AGBL1: variants seen among roughly 807,000 people sequenced by gnomAD.
AGBL1 encodes the protein cytosolic carboxypeptidase 4.
In AGBL1, 130 loss-of-function variants were observed where a neutral mutation model predicts 118.9. The ratio of observed to expected loss-of-function variants is 1.09; its 90% CI spans 0.95 to 1.26. The LOEUF (loss-of-function observed/expected upper bound fraction) is 1.26. Ranked by LOEUF, AGBL1 falls within the 50% of genes most tolerant of loss-of-function variation. The pLI is 0.00. For missense variants in AGBL1, 1,584 were observed against 1,298.1 expected (o/e 1.22, Z -3.38); for synonymous variants, 555 against 478.9 (o/e 1.16, Z -2.08).
intron 4 of AGBL1, among the ~76,000 whole-genome samples, chr15:86,156,778 CTTTTTTCTTTTCTTTCT>C (rs1207863785): frequency 2.6e-5 from 2 of 78,196 alleles, no homozygotes; most frequent in African/African-American, 1.2e-4. Flanking sequence ...TCTTTTCTTT[CTTTTTTCTTTTCTTTCT>C]TTTTTTTTTT....
At chr15:86,661,212 T>C (rs986674058) in intron 21 of AGBL1, among the ~76,000 whole-genome samples, 2 of 152,100 alleles carry the variant, frequency 1.3e-5, no homozygotes, top group Non-Finnish European at 2.9e-5. Context: ...CATAAGATCA[T>C]TGGGGATTGA....
intron 22 of AGBL1, among the ~76,000 whole-genome samples, chr15:86,825,789 CT>C (rs879344465): frequency 2.0e-5 from 3 of 149,002 alleles, no homozygotes; most frequent in South Asian, 2.1e-4. Flanking sequence ...AGAATGGCTA[CT>C]TTTTTTTTAA....
intron 21 of AGBL1, among the ~76,000 whole-genome samples, chr15:86,632,439 G>T (rs1596322640): frequency 6.6e-6 from 1 of 152,002 alleles, no homozygotes; most frequent in African/African-American, 2.4e-5. Context: ...GCGAAACTCT[G>T]TCTCAACAAC....
intron 21 of AGBL1, among the ~76,000 whole-genome samples, chr15:86,562,928 T>C (rs564240402): frequency 1.3e-5 from 2 of 152,300 alleles, no homozygotes; most frequent in South Asian, 4.1e-4. Flanking sequence ...AGTTTATTTG[T>C]GTAGAGTTGT....
intron 17 of AGBL1, among the ~76,000 whole-genome samples, chr15:86,361,109 A>G (rs1038052099): frequency 6.6e-6 from 1 of 152,020 alleles, no homozygotes; most frequent in African/African-American, 2.4e-5. Flanking sequence ...CTACAAAATT[A>G]TATCTTGGTA....
intron 3 of AGBL1, among the ~76,000 whole-genome samples, chr15:86,146,083 C>T (rs1401354075): frequency 6.6e-6 from 1 of 152,128 alleles, no homozygotes; most frequent in South Asian, 2.1e-4. Context: ...CTGGCCCTGA[C>T]ACTTATTAGC....
intron 21 of AGBL1, among the ~76,000 whole-genome samples, chr15:86,575,473 T>C (rs73461605): frequency 6.6e-6 from 1 of 151,956 alleles, no homozygotes; most frequent in African/African-American, 2.4e-5. Flanking sequence ...GTAGTCCAGT[T>C]TGGGTAACAG....
chr15:86,345,574 A>T (rs2080524239), intron 17 of AGBL1, among the ~76,000 whole-genome samples: 1 of 152,242 alleles, frequency 6.6e-6, no homozygotes. Flanking sequence ...TGACATTTAC[A>T]CTGAGACTTG....
chr15:86,923,298 C>G (rs567251912), intron 23 of AGBL1, among the ~76,000 whole-genome samples: 1 of 152,318 alleles, frequency 6.6e-6, no homozygotes, highest in Non-Finnish European at 1.5e-5. Flanking sequence ...GCTTGACATT[C>G]AAAAGCCTCT....
intron 22 of AGBL1, among the ~76,000 whole-genome samples, chr15:86,878,518 G>A (rs553882463): frequency 3.9e-5 from 6 of 152,076 alleles, no homozygotes; most frequent in African/African-American, 9.6e-5. Context: ...GGTGCTCCTC[G>A]GTACTTCTAT....
At chr15:86,416,441 A>C (rs940789119) in intron 18 of AGBL1, among the ~76,000 whole-genome samples, 2 of 152,174 alleles carry the variant, frequency 1.3e-5, no homozygotes, top group African/African-American at 2.4e-5. Flanking sequence ...TCTCTCTAGA[A>C]GGGGAGACTG....
At chr15:86,367,456 A>G (rs868116424) in intron 17 of AGBL1, among the ~76,000 whole-genome samples, 1 of 152,298 alleles carries the variant, frequency 6.6e-6, no homozygotes, top group Admixed American at 6.5e-5. Context: ...AGTTTTTACC[A>G]GTCAGTCTGC....
intron 23 of AGBL1, among the ~76,000 whole-genome samples, chr15:86,931,943 C>CAATGTTTAT (rs1328714650): frequency 3.9e-5 from 6 of 152,150 alleles, no homozygotes; most frequent in African/African-American, 1.2e-4. Context: ...TGCTATCTAG[C>CAATGTTTAT]AATGTTTATT....
chr15:86,755,978 G>A (rs11073666), intron 22 of AGBL1, among the ~76,000 whole-genome samples: 6,945 of 152,158 alleles, frequency 0.046, 394 homozygotes, highest in African/African-American at 0.12. Flanking sequence ...GATGGCTAGA[G>A]GCTGGAATTT....
rs369594819 is a variant in AGBL1, at chr15:86,545,996, T to C, written c.2686-6T>C. On this transcript the variant is annotated splice_polypyrimidine_tract_variant and splice_region_variant and intron_variant, in intron 19 of 22. Coordinates refer to ENST00000614907, the MANE Select transcript of AGBL1 (RefSeq NM_001386094.1). ...TTTTATTTTCTCCTTTGTTGGGCTA[T>C]TGTAGGTTTTCTGTGACTTCCATGG... 284 of 1,612,378 alleles carry C rather than the reference T, an allele frequency of 1.8e-4. No homozygotes were observed. In the African/African-American group the frequency reaches 3.3e-3, roughly 19 times the overall value.
At chr15:86,868,328 CAT>C (rs1224586883) in intron 22 of AGBL1, among the ~76,000 whole-genome samples, 1 of 152,224 alleles carries the variant, frequency 6.6e-6, no homozygotes, top group African/African-American at 2.4e-5. Flanking sequence ...ACAAAGCTTG[CAT>C]ATAGCTAACC....
chr15:86,540,557 T>A (rs1272841612), intron 19 of AGBL1, among the ~76,000 whole-genome samples: 1 of 152,100 alleles, frequency 6.6e-6, no homozygotes, highest in African/African-American at 2.4e-5. Context: ...ATTGGGCCAT[T>A]GCACTCCAGT....
At chr15:86,548,945 C>A (rs1055985667) in intron 20 of AGBL1, among the ~76,000 whole-genome samples, 9 of 152,016 alleles carry the variant, frequency 5.9e-5, no homozygotes, top group Non-Finnish European at 1.0e-4. Flanking sequence ...GCAGGCACTT[C>A]ACATGGTGAG....
At chr15:86,471,510 T>A (rs939555174) in intron 18 of AGBL1, among the ~76,000 whole-genome samples, 78 of 152,094 alleles carry the variant, frequency 5.1e-4, no homozygotes, top group Non-Finnish European at 9.1e-4. Context: ...TTTTTTTTTT[T>A]TTTTTATAGC....
Sources: gnomAD v4.1 joint callset for allele counts (sites outside exome capture counted in the v4.1 genomes callset) on GRCh38, gnomAD v4.1.1 for gene constraint, MANE v1.5 for transcripts, NCBI Gene and HGNC (gene_info 2026-07-23, HGNC 2026-07-21) for gene names.